TTC12: variants seen among roughly 807,000 people sequenced by gnomAD.
TTC12 encodes tetratricopeptide repeat domain 12, also known as tetratricopeptide repeat protein 12.
Under a neutral mutation model 90.1 loss-of-function variants are expected in TTC12, and 70 were observed. The ratio of observed to expected loss-of-function variants is 0.78; its 90% CI spans 0.64 to 0.95. The LOEUF (loss-of-function observed/expected upper bound fraction) is 0.95, where lower values mean the gene tolerates loss of function less well. Ranked by LOEUF, TTC12 falls within the 40% of genes least tolerant of loss-of-function variation. The probability of loss-of-function intolerance (pLI) is 0.00; values close to 1 mark genes in which losing one functional copy is unlikely to be tolerated. For synonymous variants in TTC12, 296 were observed against 311.5 expected, an observed-to-expected ratio of 0.95 and a Z score of 0.53; for missense variants, 819 against 846.1, an observed-to-expected ratio of 0.97 and a Z score of 0.40.
At chr11:113,356,260 C>T (rs1337896522) in intron 16 of TTC12, among the ~76,000 whole-genome samples, 13 of 152,120 alleles carry the variant, frequency 8.5e-5, no homozygotes, top group Admixed American at 3.3e-4. Flanking sequence ...AGGATTGCAA[C>T]GCCTGCTTTT....
At chr11:113,351,996 G>A (rs1222800119) in intron 15 of TTC12, 74 bp from the exon 16 acceptor site, 15 of 1,534,870 alleles carry the variant, frequency 9.8e-6, no homozygotes, top group African/African-American at 9.7e-5. Context: ...TGGTGAGTGA[G>A]GGATGCACCT....
chr11:113,340,465 G>A lies in TTC12; in HGVS notation c.827-199G>A, dbSNP rs112822687. 2.3e-3 allele frequency among the ~76,000 whole-genome samples: 351 copies of A among 152,344 alleles called. 1 individual carries two copies. Among genetic ancestry groups the A allele is most frequent in the African/African-American group, 7.5e-3 (313 of 41,580 alleles). ...TCTAAACAGTCCCTCCGCCTGAGAG[G>A]CACTGAGGCCTCTGACGCTGAGAGG... On this transcript the variant is annotated intron_variant, in intron 10 of 21. Coordinates refer to ENST00000529221, the MANE Select transcript of TTC12 (RefSeq NM_017868.4).
At chr11:113,356,093 A>C (rs963626832) in intron 16 of TTC12, among the ~76,000 whole-genome samples, 5 of 152,222 alleles carry the variant, frequency 3.3e-5, no homozygotes, top group Admixed American at 6.5e-5. Flanking sequence ...AAGGTCTCTA[A>C]GAACTTGCTT....
Position 113,344,300 on chromosome 11 carries a change from C to G in TTC12, c.1014C>G (p.His338Gln). Reference protein sequence around the residue: ...NEENQRVLVIHHDRARLLAAL... With the variant: ...NEENQRVLVIQHDRARLLAAL... Reference sequence around the variant, plus strand: ...AAAACCAGCGTGTGCTAGTGATACACCATGACAGGGCCAGGCTGTTGGCCG... The same window carrying G: ...AAAACCAGCGTGTGCTAGTGATACAGCATGACAGGGCCAGGCTGTTGGCCG... Residue 338 changes from histidine (H) to glutamine (Q), a missense_variant, in exon 13 of 22, where the codon CAC becomes CAG. His to Gln is a conservative substitution (Grantham distance 24, BLOSUM62 0). Coordinates refer to ENST00000529221, the MANE Select transcript of TTC12 (RefSeq NM_017868.4). 6.2e-7 allele frequency: 1 copy of G among 1,613,976 alleles called. No individual in the cohort carries two copies. The highest frequency in any genetic ancestry group is 8.5e-7 in the Non-Finnish European group (1 of 1,179,914).
chr11:113,335,466 C>G (rs1259680237), intron 8 of TTC12, among the ~76,000 whole-genome samples: 1 of 152,088 alleles, frequency 6.6e-6, no homozygotes, highest in Non-Finnish European at 1.5e-5. Flanking sequence ...ATACTAAAAA[C>G]TATATGATTC....
At chr11:113,370,151 G>A (rs181370635), downstream of TTC12, among the ~76,000 whole-genome samples, 32 of 152,344 alleles carry the variant, frequency 2.1e-4, no homozygotes, top group Admixed American at 5.2e-4. Flanking sequence ...GGCCAGGGGT[G>A]CATGGGCATC....
At chr11:113,324,737 A>C in intron 5 of TTC12, 55 bp downstream of exon 5, 2 of 1,501,374 alleles carry the variant, frequency 1.3e-6, no homozygotes, top group Admixed American at 1.7e-5. Flanking sequence ...TAGAAAGAGC[A>C]CACGAAGGCC....
chr11:113,364,514 C>T, intron 20 of TTC12: 2 of 352,490 alleles, frequency 5.7e-6, no homozygotes, highest in Non-Finnish European at 1.1e-5. Context: ...TAAGACCTCT[C>T]ACCCTGGCGC....
intron 6 of TTC12, among the ~76,000 whole-genome samples, chr11:113,327,932 G>A (rs1451677708): frequency 6.6e-6 from 1 of 152,192 alleles, no homozygotes; most frequent in Non-Finnish European, 1.5e-5. Flanking sequence ...GCCAAGAGCG[G>A]CATGATTTCA....
chr11:113,340,710 C>G lies in TTC12; in HGVS notation c.873C>G (p.Ile291Met), dbSNP rs782365643. 6.2e-7 allele frequency: 1 copy of G among 1,613,908 alleles called. No individual in the cohort carries two copies. Among genetic ancestry groups the G allele is most frequent in the Non-Finnish European group, 8.5e-7 (1 of 1,179,932 alleles). Residue 291 changes from isoleucine (I) to methionine (M), a missense_variant, in exon 11 of 22, where the codon ATC becomes ATG. Physicochemically the swap from Ile to Met is conservative, Grantham distance 10. Coordinates refer to ENST00000529221, the MANE Select transcript of TTC12 (RefSeq NM_017868.4). ...LFRMHNGFSIISDNEVIRRCF... is the reference protein window; with the variant it reads ...LFRMHNGFSIMSDNEVIRRCF... The stretch of plus-strand genomic sequence containing the variant: ...GAATGCACAATGGATTTAGTATCAT[C>G]AGTGACAACGAGGTCATAAGAAGGT...
chr11:113,362,617 C>A, intron 19 of TTC12, 115 bp downstream of exon 19: 2 of 729,770 alleles, frequency 2.7e-6, no homozygotes, highest in Non-Finnish European at 4.7e-6. Context: ...TTCTTCCTTG[C>A]TAGATTTTAA....
chr11:113,357,388 A>G (rs562400659), intron 16 of TTC12, among the ~76,000 whole-genome samples: 17 of 152,144 alleles, frequency 1.1e-4, no homozygotes, highest in Non-Finnish European at 2.1e-4. Context: ...CTGTAGCTCA[A>G]TGAACTTCAT....
chr11:113,320,609 C>G (rs987537658), intron 2 of TTC12, among the ~76,000 whole-genome samples: 1 of 152,268 alleles, frequency 6.6e-6, no homozygotes, highest in East Asian at 1.9e-4. Context: ...CTGATTCTTC[C>G]GGGGATGCTG....
chr11:113,368,246 T>C (rs1185095097), downstream of TTC12: 8 of 1,518,776 alleles, frequency 5.3e-6, no homozygotes, highest in East Asian at 2.5e-5. Context: ...CCTGAAGCTC[T>C]GTCTCCTCGC....
chr11:113,324,980 T>C (rs1169464309), intron 5 of TTC12, among the ~76,000 whole-genome samples: 3 of 151,246 alleles, frequency 2.0e-5, no homozygotes, highest in South Asian at 2.1e-4. Flanking sequence ...TAGTGGGGGG[T>C]GAGAGTGAGC....
chr11:113,358,574 G>C (rs1555153348), intron 16 of TTC12, among the ~76,000 whole-genome samples: 2 of 152,280 alleles, frequency 1.3e-5, no homozygotes, highest in Admixed American at 1.3e-4. Context: ...GCAGAGTTCA[G>C]GTCTGATGAT....
intron 16 of TTC12, among the ~76,000 whole-genome samples, chr11:113,353,676 C>T (rs1949446218): frequency 6.6e-6 from 1 of 152,198 alleles, no homozygotes; most frequent in Non-Finnish European, 1.5e-5. Flanking sequence ...CAATCTTCTG[C>T]ATATGACTAG....
chr11:113,339,750 C>A (rs1325409930), intron 10 of TTC12, among the ~76,000 whole-genome samples: 1 of 152,124 alleles, frequency 6.6e-6, no homozygotes, highest in Non-Finnish European at 1.5e-5. Flanking sequence ...CTTACATACA[C>A]CACACATGCA....
chr11:113,368,182 T>G, downstream of TTC12: 1 of 1,441,742 alleles, frequency 6.9e-7, no homozygotes, highest in Non-Finnish European at 9.2e-7. Flanking sequence ...TGTTTATTGT[T>G]CCAGAGTGCC....
Sources: gnomAD v4.1 joint callset for allele counts (sites outside exome capture counted in the v4.1 genomes callset) on GRCh38, gnomAD v4.1.1 for gene constraint, MANE v1.5 for transcripts, NCBI Gene and HGNC (gene_info 2026-07-23, HGNC 2026-07-21) for gene names.